The following EMC8 variants were observed in gnomAD, a reference collection of about 807,000 sequenced individuals.
The protein encoded by EMC8 is COX4 neighbor.
A neutral mutation model predicts 24.3 loss-of-function variants in EMC8; 11 were observed. That is an observed-to-expected ratio of 0.45 (90% CI 0.28 to 0.75). The LOEUF (loss-of-function observed/expected upper bound fraction) is 0.75, where lower values mean the gene tolerates loss of function less well. EMC8 is among the 30% of genes least tolerant of loss of function. EMC8 has a pLI of 0.12. For missense variants in EMC8, 277 were observed against 282.7 expected (o/e 0.98, Z 0.14); for synonymous variants, 145 against 117.7 (o/e 1.23, Z -1.50).
In EMC8 at chr16:85,799,017, G is replaced by A. The variant is rs960002507; in HGVS notation, c.231+48C>T. The stretch of plus-strand genomic sequence containing the variant: ...GGCCAGCTTCCTCTCTGCTGACTGA[G>A]GGGAGGCCAGGCTGCCTGCAAGGGG... On this transcript the variant is annotated intron_variant, in intron 1 of 4. Coordinates refer to ENST00000253457, the MANE Select transcript of EMC8 (RefSeq NM_006067.5). This position sits in a 1 kb window ranked among gnomAD's most constrained non-coding sequence, Gnocchi z 4.2. 1.5e-6 allele frequency: 2 copies of A among 1,314,010 alleles called. No individual in the cohort carries two copies. Among genetic ancestry groups the A allele is most frequent in the African/African-American group, 2.9e-5 (2 of 68,828 alleles). 81.4% of individuals were successfully genotyped at this position (1,314,010 alleles called of 1,614,324 possible).
intron 1 of EMC8, among the ~76,000 whole-genome samples, chr16:85,791,829 G>C (rs1431695488): frequency 6.6e-6 from 1 of 151,998 alleles, no homozygotes; most frequent in African/African-American, 2.4e-5. Flanking sequence ...AGGTCTTTGT[G>C]ATTACATGAG....
intron 1 of EMC8, among the ~76,000 whole-genome samples, chr16:85,797,004 AT>A (rs1388710180): frequency 2.6e-5 from 4 of 152,196 alleles, no homozygotes; most frequent in African/African-American, 9.7e-5. Context: ...ACTCAAAAAC[AT>A]TTATTAGAAA....
At chr16:85,795,565 C>A (rs555047027) in intron 1 of EMC8, among the ~76,000 whole-genome samples, 1 of 152,072 alleles carries the variant, frequency 6.6e-6, no homozygotes, top group East Asian at 1.9e-4. Context: ...AGGAGAGGGT[C>A]CCCCCTAGAC....
intron 1 of EMC8, among the ~76,000 whole-genome samples, chr16:85,795,985 T>C (rs1329556439): frequency 6.6e-6 from 1 of 152,148 alleles, no homozygotes; most frequent in Non-Finnish European, 1.5e-5. Context: ...GTGTTGACTG[T>C]TGGCGGTGAG....
intron 1 of EMC8, among the ~76,000 whole-genome samples, 183 bp from the exon 2 acceptor site, chr16:85,789,233 G>C (rs1364350719): frequency 6.6e-6 from 1 of 152,144 alleles, no homozygotes. Flanking sequence ...GCAGGACTTT[G>C]AACATAAGGA....
chr16:85,796,533 C>G (rs1282951668), intron 1 of EMC8, among the ~76,000 whole-genome samples: 2 of 152,212 alleles, frequency 1.3e-5, no homozygotes, highest in African/African-American at 4.8e-5. Context: ...AGTGGCTTCC[C>G]TCTGTCCTCA....
rs1178676048 is a variant in EMC8 at position 85,781,612 on chromosome 16, T to G, written c.309-332A>C. ...CCAGTTACTTTTTAGTGTTTTTTTT[T>G]GCTTTTTTTTTTTTTTTTTGGTAGA... is the stretch of plus-strand genomic sequence containing the variant. On this transcript the variant is annotated intron_variant, in intron 2 of 4. Transcript: ENST00000253457. 2.0e-5 allele frequency: 3 copies of G among 148,784 alleles called. No individual in the cohort carries two copies. In the South Asian group the frequency reaches 2.8e-4, roughly 14 times the overall value. 9.2% of individuals were successfully genotyped at this position (148,784 alleles called of 1,614,324 possible). A position where few individuals can be genotyped will look rare whatever the true frequency, so the allele number is the denominator to read the frequency against.
At chr16:85,785,805 C>T (rs1049653438) in intron 2 of EMC8, among the ~76,000 whole-genome samples, 7 of 152,138 alleles carry the variant, frequency 4.6e-5, no homozygotes, top group African/African-American at 1.7e-4. Flanking sequence ...CCACTCTGCT[C>T]ACCCTCAACA....
At chr16:85,780,972 C>T in intron 3 of EMC8, 1 of 552,246 alleles carries the variant, frequency 1.8e-6, no homozygotes, top group Non-Finnish European at 3.2e-6. Flanking sequence ...CTAACAAGTT[C>T]CCAGGTGCTG....
At chr16:85,784,099 C>T (rs1045508048) in intron 2 of EMC8, among the ~76,000 whole-genome samples, 37 of 152,108 alleles carry the variant, frequency 2.4e-4, no homozygotes, top group South Asian at 6.2e-4. Flanking sequence ...CCCGGGTTCA[C>T]GCCATTCTCC....
Position 85,779,613 on chromosome 16 carries a change from C to T in EMC8, c.*95G>A. On this transcript the variant is annotated 3_prime_UTR_variant, in exon 5 of 5. Coordinates refer to ENST00000253457, the MANE Select transcript of EMC8 (RefSeq NM_006067.5). ...CCACTTCTTAAAACGGTCAGCTTTC[C>T]ACACAGGCTACAAGATATTTTATTT... 1 of 1,338,466 alleles carries T rather than the reference C, an allele frequency of 7.5e-7. No individual in the cohort carries two copies. The highest frequency in any genetic ancestry group is 1.1e-6 in the Non-Finnish European group (1 of 949,898). The allele number at this position is 1,338,466 out of a possible 1,614,324, so 82.9% of individuals were successfully genotyped here. A position where few individuals can be genotyped will look rare whatever the true frequency, so the allele number is the denominator to read the frequency against.
At chr16:85,795,498 C>T (rs1209037623) in intron 1 of EMC8, among the ~76,000 whole-genome samples, 3 of 152,220 alleles carry the variant, frequency 2.0e-5, no homozygotes, top group Non-Finnish European at 4.4e-5. Context: ...TTCTCCTGCC[C>T]TCCTTCCACT....
At chr16:85,798,191 G>A (rs1486878422) in intron 1 of EMC8, among the ~76,000 whole-genome samples, 1 of 138,082 alleles carries the variant, frequency 7.2e-6, no homozygotes, top group African/African-American at 2.7e-5. Context: ...GCGTGATCTC[G>A]GCTCACTGCA....
chr16:85,793,771 G>C (rs572332241), intron 1 of EMC8, among the ~76,000 whole-genome samples: 7 of 152,296 alleles, frequency 4.6e-5, no homozygotes, highest in South Asian at 4.1e-4. Context: ...AAGGGGAAAA[G>C]GGCAGAAAGG....
rs150275819 is a variant in EMC8 at position 85,786,372 on chromosome 16, TAA to T, written c.308+2600_308+2601del. ...TTCCAGGCAGAAGCAAAACCATACTTAAGTCAGAAGTTGGCATGATCCTAGCT... is the reference window on the plus strand; with the variant it reads ...TTCCAGGCAGAAGCAAAACCATACTTGTCAGAAGTTGGCATGATCCTAGCT... On this transcript the variant is annotated intron_variant, in intron 2 of 4. Transcript: ENST00000253457. 5.9e-3 allele frequency among the ~76,000 whole-genome samples: 906 copies of T among 152,336 alleles called. 6 individuals carry two copies. Among genetic ancestry groups the T allele is most frequent in the Middle Eastern group, 0.014 (4 of 294 alleles).
intron 1 of EMC8, among the ~76,000 whole-genome samples, chr16:85,794,397 G>C (rs1271428283): frequency 6.6e-6 from 1 of 152,136 alleles, no homozygotes; most frequent in Non-Finnish European, 1.5e-5. Flanking sequence ...GTGAATATGA[G>C]AAAAGTCAGG....
At chr16:85,796,926 G>A (rs1050201603) in intron 1 of EMC8, among the ~76,000 whole-genome samples, 1 of 152,218 alleles carries the variant, frequency 6.6e-6, no homozygotes, top group African/African-American at 2.4e-5. Flanking sequence ...ACCTTCAAGT[G>A]CTAAGCAGGT....
chr16:85,799,098 G>C lies in EMC8; in HGVS notation c.198C>G (p.Ala66=). ...GAGCCACCTCCAGCATGGGGGCGAGGGCCAGGGTGCCGTGGAAGAGGGGGA... is the reference window on the plus strand; with the variant it reads ...GAGCCACCTCCAGCATGGGGGCGAGCGCCAGGGTGCCGTGGAAGAGGGGGA... ...DCIPLFHGTL[A]LAPMLEVALT... The change falls in exon 1 of 5, where the codon GCC becomes GCG. Residue 66 remains alanine, a synonymous_variant. Transcript: ENST00000253457. The surrounding 1 kb of genome is among the most constrained non-coding windows in gnomAD (Gnocchi z 4.2). The C allele has an allele frequency of 1.3e-6, 2 of 1,571,038 alleles. No individual in the cohort carries two copies. The highest frequency in any genetic ancestry group is 1.7e-6 in the Non-Finnish European group (2 of 1,158,356).
At position 85,782,495 on chromosome 16, in the gene EMC8, C is replaced by G. The variant is rs555226798; in HGVS notation, c.309-1215G>C. On this transcript the variant is annotated intron_variant, in intron 2 of 4. Coordinates refer to ENST00000253457, the MANE Select transcript of EMC8 (RefSeq NM_006067.5). ...GCCTTATTTATATTCTTTCTGTGCC[C>G]AAGCCCCAGTTCTGCCTTCAAATCT... 2.0e-5 allele frequency among the ~76,000 whole-genome samples: 3 copies of G among 152,288 alleles called. No homozygotes were observed. In the South Asian group the frequency reaches 6.2e-4, roughly 32 times the overall value.
Sources: allele counts gnomAD v4.1 joint callset (sites outside exome capture counted in the v4.1 genomes callset), GRCh38; gene constraint gnomAD v4.1.1; non-coding constraint Gnocchi (gnomAD v3.1); transcripts MANE v1.5; gene names NCBI Gene and HGNC (gene_info 2026-07-23, HGNC 2026-07-21).